Variants in TFDP2 observed in about 807,000 individuals in gnomAD.
TFDP2 encodes transcription factor Dp-2 (E2F dimerization partner 2).
In TFDP2, 17 loss-of-function variants were observed where a neutral mutation model predicts 59.3. That is an observed-to-expected ratio of 0.29 (90% CI 0.20 to 0.43). The LOEUF is 0.43. Ranked by LOEUF, TFDP2 falls within the 20% of genes least tolerant of loss-of-function variation. TFDP2 has a pLI of 1.00. For synonymous variants in TFDP2, 180 were observed against 194.7 expected, an observed-to-expected ratio of 0.92 and a Z score of 0.63; for missense variants, 391 against 528.8, an observed-to-expected ratio of 0.74 and a Z score of 2.56.
chr3:141,976,034 C>T (rs955758050), intron 7 of TFDP2, among the ~76,000 whole-genome samples: 1 of 152,002 alleles, frequency 6.6e-6, no homozygotes. Flanking sequence ...GCGCCCACCA[C>T]CACACCCAGC....
intron 3 of TFDP2, among the ~76,000 whole-genome samples, chr3:142,032,332 A>C (rs1032115066): frequency 1.3e-5 from 2 of 152,072 alleles, no homozygotes; most frequent in African/African-American, 4.8e-5. Flanking sequence ...TCCTAGGCTC[A>C]AGTGATCCTC....
At chr3:142,043,998 G>A (rs1393200993) in intron 3 of TFDP2, 7 of 703,536 alleles carry the variant, frequency 9.9e-6, no homozygotes, top group African/African-American at 8.8e-5. Flanking sequence ...GCGGGCCAAG[G>A]TCTTTTTCCG....
intron 3 of TFDP2, among the ~76,000 whole-genome samples, chr3:142,080,155 G>T (rs2060587100): frequency 6.6e-6 from 1 of 152,026 alleles, no homozygotes; most frequent in Admixed American, 6.6e-5. Flanking sequence ...GTAGAGATGG[G>T]GTTTTTGCCA....
Position 142,020,284 on chromosome 3 carries a change from C to G in TFDP2, c.83-14740G>C, listed in dbSNP as rs569748442. On this transcript the variant is annotated intron_variant, in intron 3 of 12. Transcript: ENST00000489671. ...GGGACGGTGGCTCACGTCTGTAATC[C>G]CAGCACTTTGGGAGGCCAAGGTGGG... Among the ~76,000 whole-genome samples, 7 of 152,166 alleles carry G rather than the reference C, an allele frequency of 4.6e-5. No individual in the cohort carries two copies. In the East Asian group the frequency reaches 7.7e-4, roughly 17 times the overall value.
chr3:141,978,454 A>G (rs1373682171), intron 7 of TFDP2, 66 bp downstream of exon 7: 1 of 1,481,886 alleles, frequency 6.7e-7, no homozygotes, highest in Non-Finnish European at 9.1e-7. Flanking sequence ...TCAAATCTAT[A>G]ACAAAGATAA....
At chr3:142,028,979 A>G (rs1946289303) in intron 3 of TFDP2, 2 of 152,778 alleles carry the variant, frequency 1.3e-5, no homozygotes, top group Non-Finnish European at 2.9e-5. Context: ...AATAACTACA[A>G]GTTAACATTT....
At chr3:142,123,068 TCTC>T (rs1015411985) in intron 1 of TFDP2, among the ~76,000 whole-genome samples, 4 of 151,808 alleles carry the variant, frequency 2.6e-5, no homozygotes, top group African/African-American at 9.7e-5. Flanking sequence ...CTCAAGCAAT[TCTC>T]CTGTCTCAGC....
Position 141,948,541 on chromosome 3 carries a change from C to CA in TFDP2, c.*3971dup, listed in dbSNP as rs71629518. 36,943 of 133,156 alleles carry CA rather than the reference C, an allele frequency of 0.28. 4,977 individuals carry two copies. Among genetic ancestry groups the CA allele is most frequent in the East Asian group, 0.43 (1,955 of 4,562 alleles). 8.2% of individuals were successfully genotyped at this position (133,156 alleles called of 1,614,324 possible). On this transcript the variant is annotated 3_prime_UTR_variant, in exon 13 of 13. Coordinates refer to ENST00000489671, the MANE Select transcript of TFDP2 (RefSeq NM_001178139.2). The stretch of plus-strand genomic sequence containing the variant: ...CTGGCGACAGAGCAAGACTCCGTCT[C>CA]AAAAAAAAAAAAAAGCTAAATAGGC...
At chr3:142,059,099 T>C (rs1163007532) in intron 3 of TFDP2, among the ~76,000 whole-genome samples, 1 of 152,192 alleles carries the variant, frequency 6.6e-6, no homozygotes, top group Non-Finnish European at 1.5e-5. Context: ...TTATACACAT[T>C]GATATTACAG....
chr3:142,086,278 G>A (rs1177630038), intron 3 of TFDP2, among the ~76,000 whole-genome samples: 1 of 152,146 alleles, frequency 6.6e-6, no homozygotes, highest in Non-Finnish European at 1.5e-5. Context: ...CTCCCTACTA[G>A]CAAAAAATAA....
rs540352017 is a variant in TFDP2, at chr3:141,988,669, CTTTTTTT to C, written c.356+4862_356+4868del. On this transcript the variant is annotated intron_variant, in intron 6 of 12. Coordinates refer to ENST00000489671, the MANE Select transcript of TFDP2 (RefSeq NM_001178139.2). ...ACTGTTTTTAGCAATCTTTTCTTTT[CTTTTTTT>C]TTTTTTTTTTTGAGATGGAGTCTCA... is the stretch of plus-strand genomic sequence containing the variant. Among the ~76,000 whole-genome samples, 5 of 125,692 alleles carry C rather than the reference CTTTTTTT, an allele frequency of 4.0e-5. No homozygotes were observed. In the East Asian group the frequency reaches 9.2e-4, roughly 23 times the overall value. 82.5% of individuals were successfully genotyped at this position (125,692 alleles called of 152,430 possible).
intron 3 of TFDP2, among the ~76,000 whole-genome samples, chr3:142,080,943 A>G (rs917919144): frequency 2.6e-5 from 4 of 152,220 alleles, no homozygotes; most frequent in African/African-American, 9.6e-5. Context: ...CAGAAAATCC[A>G]CAAGGAAACA....
At chr3:142,079,982 G>C (rs889758497) in intron 3 of TFDP2, among the ~76,000 whole-genome samples, 2 of 152,094 alleles carry the variant, frequency 1.3e-5, no homozygotes, top group African/African-American at 4.8e-5. Flanking sequence ...TAATTTTTTT[G>C]ACATGGAGTC....
At chr3:142,084,914 A>C (rs1226290198) in intron 3 of TFDP2, among the ~76,000 whole-genome samples, 1 of 151,980 alleles carries the variant, frequency 6.6e-6, no homozygotes, top group East Asian at 1.9e-4. Flanking sequence ...ATTTGATATT[A>C]GATTTTTTTA....
chr3:141,974,002 G>A (rs774617584), intron 8 of TFDP2, 46 bp downstream of exon 8: 1 of 1,565,792 alleles, frequency 6.4e-7, no homozygotes, highest in South Asian at 1.2e-5. Context: ...TGCCTGTGAT[G>A]TAAAATAATG....
At chr3:142,014,196 A>T (rs1944944079) in intron 3 of TFDP2, among the ~76,000 whole-genome samples, 1 of 152,126 alleles carries the variant, frequency 6.6e-6, no homozygotes, top group African/African-American at 2.4e-5. Flanking sequence ...CAGCCTGGAG[A>T]GCAGTGGCAC....
At chr3:142,142,854 A>G (rs1211530385) in intron 1 of TFDP2, among the ~76,000 whole-genome samples, 1 of 152,242 alleles carries the variant, frequency 6.6e-6, no homozygotes, top group Non-Finnish European at 1.5e-5. Context: ...ACTGGGGAAA[A>G]GACAGTCTCT....
intron 8 of TFDP2, 130 bp downstream of exon 8, chr3:141,973,918 T>G: frequency 9.3e-7 from 1 of 1,071,640 alleles, no homozygotes; most frequent in Non-Finnish European, 1.3e-6. Context: ...AATTCTACAG[T>G]CTGTTAAAAA....
intron 3 of TFDP2, among the ~76,000 whole-genome samples, chr3:142,074,194 A>T (rs967763051): frequency 6.6e-6 from 1 of 151,394 alleles, no homozygotes; most frequent in African/African-American, 2.4e-5. Context: ...GGATCACCTG[A>T]GGTCAGGAGT....
Sources: gnomAD v4.1 joint callset for allele counts (sites outside exome capture counted in the v4.1 genomes callset) on GRCh38, gnomAD v4.1.1 for gene constraint, MANE v1.5 for transcripts, NCBI Gene and HGNC (gene_info 2026-07-23, HGNC 2026-07-21) for gene names.